The following TIGD6 variants were observed in gnomAD, a reference collection of about 807,000 sequenced individuals.
TIGD6 encodes the protein tigger transposable element-derived protein 6.
In TIGD6, 1 loss-of-function variant was observed where a neutral mutation model predicts 2.6. The observed-to-expected ratio is 0.39, with a 90% confidence interval of 0.14 to 1.85. TIGD6 has a LOEUF of 1.85. TIGD6 is among the 40% of genes most tolerant of loss of function. TIGD6 has a pLI of 0.32. For synonymous variants in TIGD6, 193 were observed against 221.9 expected (o/e 0.87, Z 1.16); for missense variants, 601 against 634.2 (o/e 0.95, Z 0.56).
At position 149,993,508 on chromosome 5, in the gene TIGD6, C is replaced by G. The variant is rs1581236475; in HGVS notation, c.*1275G>C. The G allele has an allele frequency of 1.3e-5, 2 of 152,160 alleles. No individual in the cohort carries two copies. The highest frequency in any genetic ancestry group is 2.4e-5 in the African/African-American group (1 of 41,426). The allele number at this position is 152,160 out of a possible 1,614,324, so 9.4% of individuals were successfully genotyped here. On this transcript the variant is annotated 3_prime_UTR_variant, in exon 2 of 2. Transcript: ENST00000296736. ...AGAGGCACGCTGGGCTGTATGTTCT[C>G]CCCCATGATTCTGATTAACAGGATG...
At chr5:149,997,893 G>A (rs10223192) in intron 1 of TIGD6, among the ~76,000 whole-genome samples, 4,051 of 152,164 alleles carry the variant, frequency 0.027, 184 homozygotes, top group African/African-American at 0.092. Context: ...CCCGGGAGGC[G>A]GAGCTTGCAG....
Position 149,995,694 on chromosome 5 carries a change from A to C in TIGD6, c.655T>G (p.Ser219Ala), listed in dbSNP as rs1451882106. 6.2e-7 allele frequency: 1 copy of C among 1,614,204 alleles called. No individual in the cohort carries two copies. The highest frequency in any genetic ancestry group is 2.2e-5 in the East Asian group (1 of 44,882). Reference sequence around the variant, plus strand: ...AATGGTCTCATTTTTTCAGTCCCCGAGGCATTGCAACAAAAGAGTGCTGTC... The same window carrying C: ...AATGGTCTCATTTTTTCAGTCCCCGCGGCATTGCAACAAAAGAGTGCTGTC... ...RLTALFCCNA[S>A]GTEKMRPLIV... is the part of the protein sequence containing the mutation. Residue 219 changes from serine (S) to alanine (A), a missense_variant, in exon 2 of 2, where the codon TCG becomes GCG. Ser to Ala is a moderately conservative substitution (Grantham distance 99, BLOSUM62 1). Coordinates refer to ENST00000296736, the MANE Select transcript of TIGD6 (RefSeq NM_030953.4).
At chr5:150,000,409 C>G (rs1041063425) in intron 1 of TIGD6, 65 bp downstream of exon 1, 11 of 153,896 alleles carry the variant, frequency 7.1e-5, no homozygotes, top group Non-Finnish European at 1.0e-4. Flanking sequence ...CAGCGCCCGA[C>G]GTGGCTCTGA....
chr5:149,995,584 C>A lies in TIGD6; in HGVS notation c.765G>T (p.Trp255Cys). The A allele has an allele frequency of 1.9e-6, 3 of 1,614,252 alleles. No individual in the cohort carries two copies. Among genetic ancestry groups the A allele is most frequent in the Middle Eastern group, 3.3e-4 (2 of 6,062 alleles). ...PCDYRANQWAWMTRDLFNEWL... is the reference protein window; with the variant it reads ...PCDYRANQWACMTRDLFNEWL... The stretch of plus-strand genomic sequence containing the variant: ...ACTCATTAAACAGATCCCTTGTCAT[C>A]CAAGCCCACTGGTTGGCTCGGTAAT... The change falls in exon 2 of 2, where the codon TGG (tryptophan) becomes TGT (cysteine). Residue 255 changes from tryptophan to cysteine, a missense_variant. Transcript: ENST00000296736.
Position 150,000,489 on chromosome 5 carries a change from C to CA in TIGD6, c.-98dup, listed in dbSNP as rs1348464084. On this transcript the variant is annotated 5_prime_UTR_variant, in exon 1 of 2. Coordinates refer to ENST00000296736, the MANE Select transcript of TIGD6 (RefSeq NM_030953.4). Reference sequence around the variant, plus strand: ...CCCCTGTTACCTGAACGCCCCACAGCAGTGCCCGGGGGCTGAGCGGCCGGG... The same window carrying CA: ...CCCCTGTTACCTGAACGCCCCACAGCAAGTGCCCGGGGGCTGAGCGGCCGGG... The CA allele has an allele frequency of 6.5e-6, 1 of 154,554 alleles. No homozygotes were observed. The allele number at this position is 154,554 out of a possible 1,614,324, so 9.6% of individuals were successfully genotyped here.
In TIGD6 at chr5:149,994,941, T is replaced by C. The variant is rs765985465; in HGVS notation, c.1408A>G (p.Ile470Val). 18 of 1,612,720 alleles carry C rather than the reference T, an allele frequency of 1.1e-5. No homozygotes were observed. Among genetic ancestry groups the C allele is most frequent in the Middle Eastern group, 1.6e-4 (1 of 6,080 alleles). ...EQPKVTITEA[I>V]SSVQKLRQFL... ...TGTCTAAGTTTCTGTACACTTGATA[T>C]GGCTTCTGTGATGGTGACTTTTGGT... The change falls in exon 2 of 2, where the codon ATA becomes GTA. Residue 470 changes from isoleucine to valine, a missense_variant. Coordinates refer to ENST00000296736, the MANE Select transcript of TIGD6 (RefSeq NM_030953.4).
chr5:149,997,959 T>C (rs768551131), intron 1 of TIGD6, among the ~76,000 whole-genome samples: 23 of 142,880 alleles, frequency 1.6e-4, no homozygotes, highest in Non-Finnish European at 3.4e-4. Flanking sequence ...AGACTCCGTC[T>C]CAAAAAAAAA....
At chr5:149,997,078 CAG>C (rs1008419486) in intron 1 of TIGD6, among the ~76,000 whole-genome samples, 1 of 152,088 alleles carries the variant, frequency 6.6e-6, no homozygotes, top group African/African-American at 2.4e-5. Flanking sequence ...AAAAAGTAAA[CAG>C]ATAATTACAG....
intron 1 of TIGD6, among the ~76,000 whole-genome samples, chr5:149,999,058 T>G (rs999287216): frequency 1.3e-5 from 2 of 152,178 alleles, no homozygotes; most frequent in Non-Finnish European, 2.9e-5. Flanking sequence ...AAATACTATA[T>G]AGGAAATAGA....
At position 149,995,624 on chromosome 5, in the gene TIGD6, T is replaced by C. The variant is rs1445730183; in HGVS notation, c.725A>G (p.His242Arg). 6.2e-7 allele frequency: 1 copy of C among 1,614,240 alleles called. No homozygotes were observed. The highest frequency in any genetic ancestry group is 1.1e-5 in the South Asian group (1 of 91,086). Residue 242 changes from histidine (H) to arginine (R), a missense_variant, in exon 2 of 2, where the codon CAT becomes CGT. Physicochemically the swap from His to Arg is conservative, Grantham distance 29 (BLOSUM62 0). Coordinates refer to ENST00000296736, the MANE Select transcript of TIGD6 (RefSeq NM_030953.4). Reference protein sequence around the residue: ...SASPHCLKNIHSLPCDYRANQ... With the variant: ...SASPHCLKNIRSLPCDYRANQ... ...GGCTCGGTAATCACAAGGGAGGGAATGAATGTTCTTGAGGCAGTGTGGGCT... is the reference window on the plus strand; with the variant it reads ...GGCTCGGTAATCACAAGGGAGGGAACGAATGTTCTTGAGGCAGTGTGGGCT...
Position 149,996,434 on chromosome 5 carries a change from G to A in TIGD6, c.-81-5C>T, listed in dbSNP as rs909891353. The A allele has an allele frequency of 9.3e-6, 14 of 1,505,022 alleles. No individual in the cohort carries two copies. The highest frequency in any genetic ancestry group is 1.1e-5 in the Non-Finnish European group (12 of 1,128,156). 93.2% of individuals were successfully genotyped at this position (1,505,022 alleles called of 1,614,324 possible). A position where few individuals can be genotyped will look rare whatever the true frequency, so the allele number is the denominator to read the frequency against. On this transcript the variant is annotated splice_region_variant and splice_polypyrimidine_tract_variant and intron_variant, in intron 1 of 1. Transcript: ENST00000296736. ...CTTTGCCCCAAGTGTGGAAAGCTGA[G>A]AAGACAAAATGGAGTACCTATCAGG... is the stretch of plus-strand genomic sequence containing the variant.
rs1433773006 is a variant in TIGD6, at chr5:149,993,837, TAGAG to T, written c.*942_*945del. The stretch of plus-strand genomic sequence containing the variant: ...GGGAGGATGGCTTGAGGCCAGGAGT[TAGAG>T]AGAGTAGTGTGTTATAATCATGCCT... On this transcript the variant is annotated 3_prime_UTR_variant, in exon 2 of 2. Coordinates refer to ENST00000296736, the MANE Select transcript of TIGD6 (RefSeq NM_030953.4). 1.3e-5 allele frequency: 2 copies of T among 152,226 alleles called. No homozygotes were observed. Among genetic ancestry groups the T allele is most frequent in the South Asian group, 2.1e-4 (1 of 4,826 alleles). 9.4% of individuals were successfully genotyped at this position (152,226 alleles called of 1,614,324 possible). A position where few individuals can be genotyped will look rare whatever the true frequency, so the allele number is the denominator to read the frequency against.
At chr5:149,997,125 T>C (rs147912247) in intron 1 of TIGD6, among the ~76,000 whole-genome samples, 4 of 152,246 alleles carry the variant, frequency 2.6e-5, no homozygotes, top group African/African-American at 7.2e-5. Flanking sequence ...ATAAAGACTA[T>C]GACAAAGAAT....
rs749258074 is a variant in TIGD6, at chr5:149,995,081, G to A, written c.1268C>T (p.Ala423Val). The A allele has an allele frequency of 3.1e-6, 5 of 1,614,238 alleles. No individual in the cohort carries two copies. The highest frequency in any genetic ancestry group is 3.3e-5 in the Admixed American group (2 of 60,024). ...NEVNFQDFVT[A>V]DDDLIISQDT... ...CTGAGAGATAATGAGATCATCATCTGCAGTAACAAAGTCCTGGAAATTTAC... is the reference window on the plus strand; with the variant it reads ...CTGAGAGATAATGAGATCATCATCTACAGTAACAAAGTCCTGGAAATTTAC... The change falls in exon 2 of 2, where the codon GCA becomes GTA. Residue 423 changes from alanine to valine, a missense_variant. By Grantham distance (64) the Ala-to-Val change is moderately conservative (BLOSUM62 0). Coordinates refer to ENST00000296736, the MANE Select transcript of TIGD6 (RefSeq NM_030953.4).
chr5:149,995,742 C>G lies in TIGD6; in HGVS notation c.607G>C (p.Gly203Arg). ...LAAKGDHCRG[G>R]KKAKQRLTAL... is the part of the protein sequence containing the mutation. The stretch of plus-strand genomic sequence containing the variant: ...GTCAACCGCTGCTTTGCTTTCTTGC[C>G]CCCTCTACAGTGGTCTCCTTTAGCA... Residue 203 changes from glycine (G) to arginine (R), a missense_variant, in exon 2 of 2, where the codon GGC (glycine) becomes CGC (arginine). Coordinates refer to ENST00000296736, the MANE Select transcript of TIGD6 (RefSeq NM_030953.4). 6.2e-7 allele frequency: 1 copy of G among 1,614,188 alleles called. No individual in the cohort carries two copies. Among genetic ancestry groups the G allele is most frequent in the South Asian group, 1.1e-5 (1 of 91,078 alleles).
Position 149,995,868 on chromosome 5 carries a change from C to G in TIGD6, c.481G>C (p.Gly161Arg), listed in dbSNP as rs1755372671. The G allele has an allele frequency of 6.2e-7, 1 of 1,614,204 alleles. No homozygotes were observed. Among genetic ancestry groups the G allele is most frequent in the East Asian group, 2.2e-5 (1 of 44,886 alleles). Residue 161 changes from glycine to arginine, a missense_variant, in exon 2 of 2, where the codon GGG becomes CGG. Coordinates refer to ENST00000296736, the MANE Select transcript of TIGD6 (RefSeq NM_030953.4). ...TCAGCAATCAGTTTTATAATTTCCC[C>G]TGCATGCCACTCATTAATCTTATCT... is the stretch of plus-strand genomic sequence containing the variant. ...GIDKINEWHA[G>R]EIIKLIADYS...
chr5:149,995,504 A>C lies in TIGD6; in HGVS notation c.845T>G (p.Leu282Arg), dbSNP rs766404116. ...GTTATGAGCAGAGCAGTTGTCTATG[A>C]GCAAGAGGATCCGGCGTTCCGCCCT... ...MKRAERRILL[L>R]IDNCSAHNML... Residue 282 changes from leucine to arginine, a missense_variant, in exon 2 of 2, where the codon CTC becomes CGC. Leu to Arg is a moderately radical substitution (Grantham distance 102). Transcript: ENST00000296736. The C allele has an allele frequency of 6.2e-7, 1 of 1,614,276 alleles. No individual in the cohort carries two copies. The highest frequency in any genetic ancestry group is 8.5e-7 in the Non-Finnish European group (1 of 1,180,052).
At position 149,996,375 on chromosome 5, in the gene TIGD6, C is replaced by CT; in HGVS notation, c.-28dup. 1 of 1,570,078 alleles carries CT rather than the reference C, an allele frequency of 6.4e-7. No individual in the cohort carries two copies. Among genetic ancestry groups the CT allele is most frequent in the East Asian group, 2.2e-5 (1 of 44,580 alleles). ...TCCAGGGAATGAGGGCTGGCCACAACTAACAGGACTGTCTGGTTCCTCCTC... is the reference window on the plus strand; with the variant it reads ...TCCAGGGAATGAGGGCTGGCCACAACTTAACAGGACTGTCTGGTTCCTCCTC... On this transcript the variant is annotated 5_prime_UTR_variant, in exon 2 of 2. Transcript: ENST00000296736.
chr5:149,994,844 AT>A lies in TIGD6; in HGVS notation c.1504del (p.Met502Ter). On this transcript the variant is annotated frameshift_variant, in exon 2 of 2. Transcript: ENST00000296736. LOFTEE classifies it high-confidence loss of function. ...GQLNGIDEYLMKRVTQTLIDS... is the reference protein window; with the variant it reads ...GQLNGIDEYLXKRVTQTLIDS... Reference sequence around the variant, plus strand: ...AATAAGGGTTTGTGTCACTCTTTTCATTAAATATTCATCTATGCCATTTAAT... The same window carrying A: ...AATAAGGGTTTGTGTCACTCTTTTCATAAATATTCATCTATGCCATTTAAT... The A allele has an allele frequency of 1.5e-5, 24 of 1,581,390 alleles. No individual in the cohort carries two copies. Among genetic ancestry groups the A allele is most frequent in the Non-Finnish European group, 2.0e-5 (23 of 1,162,642 alleles).
Sources: gnomAD v4.1 joint callset for allele counts (sites outside exome capture counted in the v4.1 genomes callset) on GRCh38, gnomAD v4.1.1 for gene constraint, MANE v1.5 for transcripts, NCBI Gene and HGNC (gene_info 2026-07-23, HGNC 2026-07-21) for gene names.